Variants in OSTM1 observed in about 807,000 individuals in gnomAD.
OSTM1 encodes the protein osteoclastogenesis associated transmembrane protein 1.
In OSTM1, 26 loss-of-function variants were observed where a neutral mutation model predicts 35.4. The observed-to-expected ratio is 0.73, with a 90% CI of 0.54 to 1.02. The LOEUF (loss-of-function observed/expected upper bound fraction) is 1.02. OSTM1 is among the 50% of genes least tolerant of loss of function. OSTM1 has a pLI of 0.00. For missense variants in OSTM1, 366 were observed against 409.6 expected, an observed-to-expected ratio of 0.89 and a Z score of 0.92; for synonymous variants, 181 against 165.0, an observed-to-expected ratio of 1.10 and a Z score of -0.75.
At chr6:108,063,833 A>G (rs1019975910) in intron 2 of OSTM1, among the ~76,000 whole-genome samples, 22 of 152,250 alleles carry the variant, frequency 1.4e-4, no homozygotes, top group South Asian at 2.1e-4. Flanking sequence ...AGGCGACTAT[A>G]TAAGATAGGT....
rs1220579785 is a variant in OSTM1, at chr6:108,074,313, C to A, written c.339G>T (p.Gln113His). Reference sequence around the variant, plus strand: ...CCTGTTGGAAGAGGGGGTAGCAGGTCTGACAGAGGCGCACGGGCCGGGCGC... The same window carrying A: ...CCTGTTGGAAGAGGGGGTAGCAGGTATGACAGAGGCGCACGGGCCGGGCGC... The part of the protein sequence containing the change: ...VRSARPVRLC[Q>H]TCYPLFQQVV... Residue 113 changes from glutamine (Q) to histidine (H), a missense_variant, in exon 1 of 6, where the codon CAG becomes CAT. Transcript: ENST00000193322. 1 of 1,612,252 alleles carries A rather than the reference C, an allele frequency of 6.2e-7. No individual in the cohort carries two copies. Among genetic ancestry groups the A allele is most frequent in the Admixed American group, 1.7e-5 (1 of 59,974 alleles).
intron 5 of OSTM1, 134 bp downstream of exon 5, chr6:108,049,119 G>A: frequency 1.5e-6 from 1 of 663,658 alleles, no homozygotes; most frequent in East Asian, 2.8e-5. Context: ...AAGCATGATT[G>A]TAAAACTTAA....
At chr6:108,067,472 C>T (rs1772399153) in intron 1 of OSTM1, among the ~76,000 whole-genome samples, 1 of 152,054 alleles carries the variant, frequency 6.6e-6, no homozygotes, top group African/African-American at 2.4e-5. Flanking sequence ...CAGCTCTCTC[C>T]CATCTTGGAC....
chr6:108,066,499 G>GTCC (rs1772379537), intron 1 of OSTM1, among the ~76,000 whole-genome samples: 1 of 152,166 alleles, frequency 6.6e-6, no homozygotes, highest in African/African-American at 2.4e-5. Context: ...AGAGCATGAT[G>GTCC]TCCTGTAAAT....
In OSTM1 at chr6:108,049,396, C is replaced by T; in HGVS notation, c.806G>A (p.Trp269Ter). 1 of 1,613,844 alleles carries T rather than the reference C, an allele frequency of 6.2e-7. No homozygotes were observed. Among genetic ancestry groups the T allele is most frequent in the Non-Finnish European group, 8.5e-7 (1 of 1,179,800 alleles). ...GACTGAACAGTTGAAAGTTCGACTCCATAGTTTTCGAGTGATGTTCATCTG... is the reference window on the plus strand; with the variant it reads ...GACTGAACAGTTGAAAGTTCGACTCTATAGTTTTCGAGTGATGTTCATCTG... ...EDAMNITRKL[W>*]SRTFNCSVPC... The change falls in exon 5 of 6, where the codon TGG becomes TAG. Residue 269 changes from tryptophan to a stop codon, truncating the protein, a stop_gained. Coordinates refer to ENST00000193322, the MANE Select transcript of OSTM1 (RefSeq NM_014028.4). LOFTEE classifies it high-confidence loss of function.
chr6:108,068,956 C>T (rs1235764157), intron 1 of OSTM1, among the ~76,000 whole-genome samples: 1 of 152,144 alleles, frequency 6.6e-6, no homozygotes, highest in Non-Finnish European at 1.5e-5. Context: ...CTCAGATACA[C>T]CACAAACTCC....
intron 1 of OSTM1, chr6:108,073,934 C>T (rs942149396): frequency 2.3e-5 from 10 of 428,234 alleles, no homozygotes; most frequent in Non-Finnish European, 4.2e-5. Context: ...TTCCTGGCAA[C>T]TCCAGGTGAA....
At chr6:108,057,202 C>G (rs149410667) in intron 2 of OSTM1, among the ~76,000 whole-genome samples, 1 of 152,182 alleles carries the variant, frequency 6.6e-6, no homozygotes, top group Non-Finnish European at 1.5e-5. Context: ...GCATTCCAAC[C>G]TGCATGAAAG....
chr6:108,050,821 A>G (rs1772063081), intron 4 of OSTM1, among the ~76,000 whole-genome samples: 1 of 152,198 alleles, frequency 6.6e-6, no homozygotes, highest in Non-Finnish European at 1.5e-5. Flanking sequence ...TTTCTGTTTT[A>G]TTTTTATCCT....
In OSTM1 at chr6:108,074,711, C is replaced by G; in HGVS notation, c.-60G>C. 7.0e-7 allele frequency: 1 copy of G among 1,437,776 alleles called. No homozygotes were observed. The highest frequency in any genetic ancestry group is 1.4e-5 in the South Asian group (1 of 71,992). 89.1% of individuals were successfully genotyped at this position (1,437,776 alleles called of 1,614,324 possible). A position where few individuals can be genotyped will look rare whatever the true frequency, so the allele number is the denominator to read the frequency against. On this transcript the variant is annotated 5_prime_UTR_variant, in exon 1 of 6. Coordinates refer to ENST00000193322, the MANE Select transcript of OSTM1 (RefSeq NM_014028.4). ...GCCTCTCCGCCCCCAGCCGGCACCG[C>G]GGACAGCCGCCGCTTCCGGTTTCCG...
Position 108,054,520 on chromosome 6 carries a change from G to A in OSTM1, c.585C>T (p.His195=). The change falls in exon 3 of 6, where the codon CAC becomes CAT. Residue 195 remains histidine (H), a synonymous_variant. Coordinates refer to ENST00000193322, the MANE Select transcript of OSTM1 (RefSeq NM_014028.4). ...STVYFLNLFN[H]TLTCFEHNLQ... is the part of the protein sequence containing the mutation. ...GGTTATGTTCAAAGCAGGTCAGGGTGTGATTAAATAGATTAAGGAAATATA... is the reference window on the plus strand; with the variant it reads ...GGTTATGTTCAAAGCAGGTCAGGGTATGATTAAATAGATTAAGGAAATATA... The A allele has an allele frequency of 1.3e-6, 2 of 1,549,526 alleles. No homozygotes were observed. The highest frequency in any genetic ancestry group is 1.1e-5 in the South Asian group (1 of 88,396).
intron 1 of OSTM1, among the ~76,000 whole-genome samples, chr6:108,071,441 G>A (rs1172398751): frequency 4.1e-5 from 6 of 147,020 alleles, no homozygotes; most frequent in South Asian, 2.2e-4. Context: ...GAGTAGCTGC[G>A]CACCACCACA....
At chr6:108,060,528 G>C (rs1045783559) in intron 2 of OSTM1, among the ~76,000 whole-genome samples, 1 of 152,050 alleles carries the variant, frequency 6.6e-6, no homozygotes, top group African/African-American at 2.4e-5. Flanking sequence ...GACCAGCCTG[G>C]GCAACATGAC....
intron 2 of OSTM1, among the ~76,000 whole-genome samples, chr6:108,062,535 C>CTTTTTTTTTT (rs780041339): frequency 1.1e-3 from 147 of 130,874 alleles, no homozygotes; most frequent in East Asian, 1.3e-3. Context: ...CTTTTCTTTT[C>CTTTTTTTTTT]TTTTTTTTTT....
In OSTM1 at chr6:108,074,699, C is replaced by A; in HGVS notation, c.-48G>T. On this transcript the variant is annotated 5_prime_UTR_variant, in exon 1 of 6. Transcript: ENST00000193322. ...GAGCCCACCGCCGCCTCTCCGCCCCCAGCCGGCACCGCGGACAGCCGCCGC... is the reference window on the plus strand; with the variant it reads ...GAGCCCACCGCCGCCTCTCCGCCCCAAGCCGGCACCGCGGACAGCCGCCGC... 1.4e-6 allele frequency: 2 copies of A among 1,470,366 alleles called. No homozygotes were observed. The highest frequency in any genetic ancestry group is 2.8e-5 in the East Asian group (1 of 36,068). The allele number at this position is 1,470,366 out of a possible 1,614,324, so 91.1% of individuals were successfully genotyped here. A position where few individuals can be genotyped will look rare whatever the true frequency, so the allele number is the denominator to read the frequency against.
In OSTM1 at chr6:108,054,350, A is replaced by T. The variant is rs1772134220; in HGVS notation, c.615+140T>A. 1.1e-5 allele frequency: 5 copies of T among 443,380 alleles called. No homozygotes were observed. In the South Asian group the frequency reaches 2.0e-4, roughly 18 times the overall value. The allele number at this position is 443,380 out of a possible 1,614,324, so 27.5% of individuals were successfully genotyped here. On this transcript the variant is annotated intron_variant, in intron 3 of 5. Coordinates refer to ENST00000193322, the MANE Select transcript of OSTM1 (RefSeq NM_014028.4). ...TTGTAAGTAGAAGAACTTACTTAAG[A>T]GCAGAAATCCAGGTCCACTAACTCC...
intron 3 of OSTM1, 146 bp downstream of exon 3, chr6:108,054,344 C>CT (rs1356534900): frequency 4.6e-6 from 2 of 434,978 alleles, no homozygotes; most frequent in Non-Finnish European, 8.1e-6. Context: ...GAAGAACTTA[C>CT]TTAAGAGCAG....
intron 1 of OSTM1, chr6:108,073,736 A>G (rs1366497958): frequency 6.1e-6 from 1 of 162,738 alleles, no homozygotes; most frequent in Non-Finnish European, 1.3e-5. Context: ...ATCTCTTTTA[A>G]TTCTTCCAAC....
At chr6:108,051,700 C>T (rs565901372) in intron 3 of OSTM1, among the ~76,000 whole-genome samples, 1 of 152,276 alleles carries the variant, frequency 6.6e-6, no homozygotes, top group African/African-American at 2.4e-5. Flanking sequence ...GGAAAAGGCA[C>T]CAAAACTGCA....
Sources: gnomAD v4.1 joint callset for allele counts (sites outside exome capture counted in the v4.1 genomes callset) on GRCh38, gnomAD v4.1.1 for gene constraint, MANE v1.5 for transcripts, NCBI Gene and HGNC (gene_info 2026-07-23, HGNC 2026-07-21) for gene names.